ZDHHC14: variants seen among roughly 807,000 people sequenced by gnomAD.
ZDHHC14 encodes palmitoyltransferase ZDHHC14.
ZDHHC14 carries 16 observed loss-of-function variants against 47.7 expected under a neutral mutation model. The ratio of observed to expected loss-of-function variants is 0.34; its 90% confidence interval spans 0.23 to 0.51. ZDHHC14 has a LOEUF of 0.51. Among genes scored for constraint, ZDHHC14 ranks in the 20% least tolerant of loss-of-function variants. ZDHHC14 has a pLI of 0.97. For missense variants in ZDHHC14, 515 were observed against 662.5 expected (o/e 0.78, Z 2.44); for synonymous variants, 293 against 278.9 (o/e 1.05, Z -0.50).
intron 1 of ZDHHC14, among the ~76,000 whole-genome samples, chr6:157,446,159 A>G (rs1036546260): frequency 6.6e-6 from 1 of 152,166 alleles, no homozygotes; most frequent in African/African-American, 2.4e-5. Flanking sequence ...TTAAGGGACA[A>G]TTGGCATCTT....
At position 157,629,155 on chromosome 6, in the gene ZDHHC14, G is replaced by A. The variant is rs138761975; in HGVS notation, c.703+669G>A. On this transcript the variant is annotated intron_variant, in intron 4 of 8. Transcript: ENST00000359775. Reference sequence around the variant, plus strand: ...TAATATCTATTTGCCTAAGCAAATGGCATTTTTTCATTTTCCATTCTGAGG... The same window carrying A: ...TAATATCTATTTGCCTAAGCAAATGACATTTTTTCATTTTCCATTCTGAGG... 3.9e-5 allele frequency among the ~76,000 whole-genome samples: 6 copies of A among 152,292 alleles called. No homozygotes were observed. The East Asian group carries it at 1.2e-3, about 29-fold the overall frequency.
chr6:157,421,418 G>A (rs868595642), intron 1 of ZDHHC14, among the ~76,000 whole-genome samples: 3 of 147,376 alleles, frequency 2.0e-5, no homozygotes, highest in Non-Finnish European at 3.0e-5. Flanking sequence ...GCATGAACCC[G>A]GGAGGCGGAG....
intron 3 of ZDHHC14, among the ~76,000 whole-genome samples, chr6:157,618,235 G>C (rs948846555): frequency 1.3e-5 from 2 of 152,112 alleles, no homozygotes; most frequent in African/African-American, 4.8e-5. Context: ...GCTTATCTCA[G>C]AGTTTCACAA....
chr6:157,612,095 C>T (rs1227054549), intron 3 of ZDHHC14, among the ~76,000 whole-genome samples: 1 of 152,218 alleles, frequency 6.6e-6, no homozygotes, highest in Non-Finnish European at 1.5e-5. Flanking sequence ...CGTGAGGGTC[C>T]TACCGACTCC....
chr6:157,630,829 ACT>A (rs76880645), intron 4 of ZDHHC14: 57,232 of 147,628 alleles, frequency 0.39, 11,669 homozygotes, highest in East Asian at 0.85. Context: ...ACCCACACTC[ACT>A]CTAGCCACTC....
At chr6:157,476,797 A>G (rs1411635181) in intron 1 of ZDHHC14, among the ~76,000 whole-genome samples, 2 of 152,144 alleles carry the variant, frequency 1.3e-5, no homozygotes, top group Non-Finnish European at 2.9e-5. Context: ...AGAATAAAGG[A>G]CAAAAATCAT....
At chr6:157,539,946 C>G (rs1465784218) in intron 1 of ZDHHC14, among the ~76,000 whole-genome samples, 1 of 152,208 alleles carries the variant, frequency 6.6e-6, no homozygotes, top group East Asian at 1.9e-4. Context: ...AGAGAAGTCA[C>G]TAGACCTGCC....
chr6:157,447,585 G>A lies in ZDHHC14; in HGVS notation c.245+65319G>A, dbSNP rs145212487. ...CTCCAAGTGACAGGGAACAGAGGCA[G>A]GGGTGGAAAAGAAGCCAAGGAAGGC... On this transcript the variant is annotated intron_variant, in intron 1 of 8. Coordinates refer to ENST00000359775, the MANE Select transcript of ZDHHC14 (RefSeq NM_024630.3). Among the ~76,000 whole-genome samples the A allele has an allele frequency of 7.0e-3, 1,069 of 152,286 alleles. 13 individuals carry two copies. The highest frequency in any genetic ancestry group is 0.023 in the African/African-American group (971 of 41,560).
chr6:157,555,159 CT>C (rs1782407226), intron 2 of ZDHHC14, among the ~76,000 whole-genome samples: 1 of 152,208 alleles, frequency 6.6e-6, no homozygotes. Flanking sequence ...CTCAATGCCA[CT>C]TCCATTCTAG....
intron 1 of ZDHHC14, among the ~76,000 whole-genome samples, chr6:157,504,402 C>T (rs1780267288): frequency 6.7e-6 from 1 of 150,054 alleles, no homozygotes; most frequent in African/African-American, 2.5e-5. Context: ...CCTGCCTCGG[C>T]TTCCCAAAGT....
At chr6:157,409,429 C>T (rs1244129672) in intron 1 of ZDHHC14, among the ~76,000 whole-genome samples, 1 of 152,190 alleles carries the variant, frequency 6.6e-6, no homozygotes, top group Non-Finnish European at 1.5e-5. Context: ...GCATGCCTTC[C>T]CTCTGGCTCA....
At chr6:157,538,392 A>G (rs912272242) in intron 1 of ZDHHC14, among the ~76,000 whole-genome samples, 6 of 152,228 alleles carry the variant, frequency 3.9e-5, no homozygotes, top group African/African-American at 7.2e-5. Flanking sequence ...AGCTGACAAA[A>G]GTAGAGAAGT....
At chr6:157,653,718 C>T (rs1357432990) in intron 8 of ZDHHC14, 91 bp downstream of exon 8, 1 of 1,346,936 alleles carries the variant, frequency 7.4e-7, no homozygotes, top group Admixed American at 1.9e-5. Context: ...TAGCAAACCT[C>T]CCCAGGAGCG....
chr6:157,547,045 A>G (rs1562473725), intron 2 of ZDHHC14, among the ~76,000 whole-genome samples: 1 of 152,216 alleles, frequency 6.6e-6, no homozygotes, highest in Admixed American at 6.5e-5. Context: ...ACCAGATCAA[A>G]GGATGCTGGT....
chr6:157,409,848 G>C (rs1181310244), intron 1 of ZDHHC14, among the ~76,000 whole-genome samples: 1 of 151,286 alleles, frequency 6.6e-6, no homozygotes, highest in African/African-American at 2.4e-5. Context: ...TTGGGGGGGG[G>C]GACAGAGTCT....
intron 7 of ZDHHC14, among the ~76,000 whole-genome samples, chr6:157,651,085 A>C (rs1777812788): frequency 6.6e-6 from 1 of 152,238 alleles, no homozygotes; most frequent in African/African-American, 2.4e-5. Flanking sequence ...TCTTGGGCTG[A>C]GTCCTGTAGT....
chr6:157,397,466 A>C (rs899134888), intron 1 of ZDHHC14, among the ~76,000 whole-genome samples: 1 of 152,098 alleles, frequency 6.6e-6, no homozygotes, highest in African/African-American at 2.4e-5. Flanking sequence ...GCTATCTTGC[A>C]GTCCCCTCCC....
chr6:157,565,181 A>G (rs1304326999), intron 2 of ZDHHC14, among the ~76,000 whole-genome samples: 2 of 152,180 alleles, frequency 1.3e-5, no homozygotes, highest in Non-Finnish European at 2.9e-5. Context: ...TGGGAGGTCA[A>G]GGTTGCAGTG....
rs143907696 is a variant in ZDHHC14, at chr6:157,427,980, G to A, written c.245+45714G>A. ...GGCTGTTCTGTCATTGATATGTGCT[G>A]TGTTCACTTATCCATGTGAAGGAGG... On this transcript the variant is annotated intron_variant, in intron 1 of 8. Coordinates refer to ENST00000359775, the MANE Select transcript of ZDHHC14 (RefSeq NM_024630.3). This position sits in a 1 kb window ranked among gnomAD's most constrained non-coding sequence, Gnocchi z 4.4. Among the ~76,000 whole-genome samples the A allele has an allele frequency of 1.6e-3, 246 of 151,896 alleles. No homozygotes were observed. The highest frequency in any genetic ancestry group is 5.7e-3 in the African/African-American group (234 of 41,414).
Sources: allele counts gnomAD v4.1 joint callset (sites outside exome capture counted in the v4.1 genomes callset), GRCh38; gene constraint gnomAD v4.1.1; non-coding constraint Gnocchi (gnomAD v3.1); transcripts MANE v1.5; gene names NCBI Gene and HGNC (gene_info 2026-07-23, HGNC 2026-07-21).